The following RAB15 variants were observed in gnomAD, a reference collection of about 807,000 sequenced individuals.
RAB15 encodes the protein ras-related protein Rab-15.
Under a neutral mutation model 31.8 loss-of-function variants are expected in RAB15, and 13 were observed. The observed-to-expected ratio is 0.41, with a 90% confidence interval of 0.27 to 0.65. The LOEUF (loss-of-function observed/expected upper bound fraction) is 0.65, where lower values mean the gene tolerates loss of function less well. Ranked by LOEUF, RAB15 falls within the 30% of genes least tolerant of loss-of-function variation. The pLI, the probability that RAB15 is intolerant of heterozygous loss-of-function variation, is 0.32. For missense variants in RAB15, 220 were observed against 277.3 expected (o/e 0.79, Z 1.47); for synonymous variants, 100 against 105.6 (o/e 0.95, Z 0.33).
chr14:64,966,550 A>T (rs1225848495), intron 1 of RAB15, among the ~76,000 whole-genome samples: 1 of 151,898 alleles, frequency 6.6e-6, no homozygotes, highest in Non-Finnish European at 1.5e-5. Flanking sequence ...TAAATAAATA[A>T]AATAATAATA....
chr14:64,961,930 A>AAC (rs1566847385), intron 1 of RAB15, among the ~76,000 whole-genome samples: 1 of 149,494 alleles, frequency 6.7e-6, no homozygotes, highest in African/African-American at 2.5e-5. Flanking sequence ...AAAAAAAAAA[A>AAC]CAGGCCGGGC....
chr14:64,959,897 C>G (rs766436307), intron 1 of RAB15, among the ~76,000 whole-genome samples: 2 of 151,734 alleles, frequency 1.3e-5, no homozygotes, highest in African/African-American at 4.8e-5. Context: ...GGGATCTCCC[C>G]CTCACCCCAG....
rs1248706721 is a variant in RAB15, at chr14:64,950,280, C to A, written c.414+45G>T. On this transcript the variant is annotated intron_variant, in intron 5 of 6. Transcript: ENST00000533601. The surrounding 1 kb of genome is among the most constrained non-coding windows in gnomAD (Gnocchi z 5.6). ...CCACGCTCAGGACTGGCCCTGGAGG[C>A]CCAGCAGAGGACCTGGGGTGGACTT... 1 of 1,509,470 alleles carries A rather than the reference C, an allele frequency of 6.6e-7. No homozygotes were observed. Among genetic ancestry groups the A allele is most frequent in the African/African-American group, 1.4e-5 (1 of 72,470 alleles). The allele number at this position is 1,509,470 out of a possible 1,614,324, so 93.5% of individuals were successfully genotyped here.
Position 64,951,552 on chromosome 14 carries a change from G to A in RAB15, c.246+51C>T, listed in dbSNP as rs1339870371. ...CAGACATCTCAAATACCCAGAGCTGGGAGTGTGGGTGGCAGCTTCCCACTT... is the reference window on the plus strand; with the variant it reads ...CAGACATCTCAAATACCCAGAGCTGAGAGTGTGGGTGGCAGCTTCCCACTT... On this transcript the variant is annotated intron_variant, in intron 3 of 6. Transcript: ENST00000533601. The surrounding 1 kb of genome is among the most constrained non-coding windows in gnomAD (Gnocchi z 7.2). The A allele has an allele frequency of 3.3e-6, 5 of 1,497,506 alleles. No homozygotes were observed. Among genetic ancestry groups the A allele is most frequent in the Non-Finnish European group, 9.3e-7 (1 of 1,073,346 alleles). The allele number at this position is 1,497,506 out of a possible 1,614,324, so 92.8% of individuals were successfully genotyped here.
In RAB15 at chr14:64,960,579, ACAGAGGATTCT is replaced by A. The variant is rs1886803285; in HGVS notation, c.125-8019_125-8009del. Among the ~76,000 whole-genome samples, 5 of 152,284 alleles carry A rather than the reference ACAGAGGATTCT, an allele frequency of 3.3e-5. No homozygotes were observed. The South Asian group carries it at 1.0e-3, about 32-fold the overall frequency. ...TTTCCTCACCTGTAAAGTGGGGGTG[ACAGAGGATTCT>A]CAGAGAATTTTTTTTTTAAGATTGT... On this transcript the variant is annotated intron_variant, in intron 1 of 6. Transcript: ENST00000533601.
At chr14:64,960,324 C>T (rs1460871056) in intron 1 of RAB15, among the ~76,000 whole-genome samples, 2 of 152,176 alleles carry the variant, frequency 1.3e-5, no homozygotes, top group East Asian at 1.9e-4. Context: ...GGTGCTGTGA[C>T]GCTTACAGAA....
rs776289929 is a variant in RAB15, at chr14:64,950,928, C to T, written c.324+146G>A. The T allele has an allele frequency of 5.7e-6, 9 of 1,587,886 alleles. No individual in the cohort carries two copies. Among genetic ancestry groups the T allele is most frequent in the Non-Finnish European group, 7.8e-6 (9 of 1,159,236 alleles). Reference sequence around the variant, plus strand: ...GGGCATGGCAGCTTCGGTTTCTTCCCCATGTCTTACTCACCCAGAGGTCTT... The same window carrying T: ...GGGCATGGCAGCTTCGGTTTCTTCCTCATGTCTTACTCACCCAGAGGTCTT... On this transcript the variant is annotated intron_variant, in intron 4 of 6. Transcript: ENST00000533601. The surrounding 1 kb of genome is among the most constrained non-coding windows in gnomAD (Gnocchi z 5.6).
intron 1 of RAB15, among the ~76,000 whole-genome samples, chr14:64,960,762 G>A (rs887148239): frequency 6.6e-6 from 1 of 152,196 alleles, no homozygotes; most frequent in African/African-American, 2.4e-5. Context: ...GCTCTAGGAT[G>A]TAGAAGGAGG....
intron 1 of RAB15, among the ~76,000 whole-genome samples, chr14:64,969,839 G>A (rs566726011): frequency 6.0e-4 from 91 of 152,264 alleles, no homozygotes; most frequent in African/African-American, 2.1e-3. Context: ...GTCTAAGAAG[G>A]GAGATTACAA....
In RAB15 at chr14:64,954,118, G is replaced by A. The variant is rs143520500; in HGVS notation, c.125-1547C>T. The A allele has an allele frequency of 3.7e-5, 36 of 985,360 alleles. No individual in the cohort carries two copies. The East Asian group carries it at 4.5e-4, about 12-fold the overall frequency. The allele number at this position is 985,360 out of a possible 1,614,324, so 61.0% of individuals were successfully genotyped here. ...CAGAACGGGCAACCTGAACTAAATC[G>A]ATTTGGTCAGACGTGAATCATTTCT... On this transcript the variant is annotated intron_variant, in intron 1 of 6. Coordinates refer to ENST00000533601, the MANE Select transcript of RAB15 (RefSeq NM_001308154.2). The surrounding 1 kb of genome is among the most constrained non-coding windows in gnomAD (Gnocchi z 4.3).
At chr14:64,964,861 C>T (rs1887049063) in intron 1 of RAB15, among the ~76,000 whole-genome samples, 1 of 152,114 alleles carries the variant, frequency 6.6e-6, no homozygotes, top group South Asian at 2.1e-4. Context: ...AGGCGTGAGC[C>T]ACCGCACCCA....
intron 1 of RAB15, among the ~76,000 whole-genome samples, chr14:64,956,996 A>T (rs1440575506): frequency 6.6e-6 from 1 of 150,786 alleles, no homozygotes; most frequent in Non-Finnish European, 1.5e-5. Context: ...GTAGTGGAGC[A>T]ATCATAGCTC....
At position 64,950,988 on chromosome 14, in the gene RAB15, G is replaced by A. The variant is rs757312610; in HGVS notation, c.324+86C>T. 4 of 1,613,966 alleles carry A rather than the reference G, an allele frequency of 2.5e-6. No homozygotes were observed. The highest frequency in any genetic ancestry group is 1.1e-5 in the South Asian group (1 of 91,080). On this transcript the variant is annotated intron_variant, in intron 4 of 6. Transcript: ENST00000533601. This position sits in a 1 kb window ranked among gnomAD's most constrained non-coding sequence, Gnocchi z 5.6. The stretch of plus-strand genomic sequence containing the variant: ...CTGTGGAAGGCAAAGCTTCCTGGAA[G>A]CATTTGCCTTCCCATCTGGCCCTCG...
chr14:64,961,918 A>AAAC (rs1281276554), intron 1 of RAB15, among the ~76,000 whole-genome samples: 1 of 151,412 alleles, frequency 6.6e-6, no homozygotes, highest in Non-Finnish European at 1.5e-5. Context: ...CTGTCTTAAA[A>AAAC]AAAAAAAAAA....
intron 1 of RAB15, among the ~76,000 whole-genome samples, chr14:64,960,852 A>T (rs977704821): frequency 6.6e-6 from 1 of 152,196 alleles, no homozygotes; most frequent in African/African-American, 2.4e-5. Context: ...TTCAACAAAA[A>T]GAGGAAATGC....
chr14:64,954,296 A>G lies in RAB15; in HGVS notation c.125-1725T>C, dbSNP rs752913972. On this transcript the variant is annotated intron_variant, in intron 1 of 6. Transcript: ENST00000533601. This position sits in a 1 kb window ranked among gnomAD's most constrained non-coding sequence, Gnocchi z 4.3. ...GCATCAGGCCTTGGGAAGCAGGAGT[A>G]TGCTTATTTCTGCCTGGATCAACGG... is the stretch of plus-strand genomic sequence containing the variant. The G allele has an allele frequency of 1.0e-5, 10 of 985,444 alleles. No individual in the cohort carries two copies. The highest frequency in any genetic ancestry group is 1.1e-5 in the Non-Finnish European group (9 of 829,920). 61.0% of individuals were successfully genotyped at this position (985,444 alleles called of 1,614,324 possible).
chr14:64,971,827 T>C lies in RAB15; in HGVS notation c.124+126A>G. On this transcript the variant is annotated intron_variant, in intron 1 of 6. Transcript: ENST00000533601. The surrounding 1 kb of genome is among the most constrained non-coding windows in gnomAD (Gnocchi z 4.1). ...GCTCACCCCGAGATTTATCCCGGAC[T>C]CCGGCCTCCGGCGCCACCGCCTCCA... is the stretch of plus-strand genomic sequence containing the variant. 1 of 893,610 alleles carries C rather than the reference T, an allele frequency of 1.1e-6. No individual in the cohort carries two copies. Among genetic ancestry groups the C allele is most frequent in the Non-Finnish European group, 1.7e-6 (1 of 593,650 alleles). 55.4% of individuals were successfully genotyped at this position (893,610 alleles called of 1,614,324 possible). A position where few individuals can be genotyped will look rare whatever the true frequency, so the allele number is the denominator to read the frequency against.
At chr14:64,956,823 A>G (rs1480455692) in intron 1 of RAB15, among the ~76,000 whole-genome samples, 3 of 152,230 alleles carry the variant, frequency 2.0e-5, no homozygotes, top group Admixed American at 6.5e-5. Flanking sequence ...CAAGAGCTAT[A>G]TATGTCATGG....
rs1253879853 is a variant in RAB15, at chr14:64,971,289, T to C, written c.124+664A>G. Among the ~76,000 whole-genome samples, 1 of 152,164 alleles carries C rather than the reference T, an allele frequency of 6.6e-6. No homozygotes were observed. Among genetic ancestry groups the C allele is most frequent in the East Asian group, 1.9e-4 (1 of 5,182 alleles). On this transcript the variant is annotated intron_variant, in intron 1 of 6. Coordinates refer to ENST00000533601, the MANE Select transcript of RAB15 (RefSeq NM_001308154.2). The surrounding 1 kb of genome is among the most constrained non-coding windows in gnomAD (Gnocchi z 4.1). ...GCCCTCAGGCGGGTCCTGCCTGCCT[T>C]CTGACCCCTTGGTCTGGGCAGGTAT...
Sources: allele counts gnomAD v4.1 joint callset (sites outside exome capture counted in the v4.1 genomes callset), GRCh38; gene constraint gnomAD v4.1.1; non-coding constraint Gnocchi (gnomAD v3.1); transcripts MANE v1.5; gene names NCBI Gene and HGNC (gene_info 2026-07-23, HGNC 2026-07-21).